Variants in KCNK12 observed in about 807,000 individuals in gnomAD.
The protein encoded by KCNK12 is potassium channel subfamily K member 12.
KCNK12 carries 6 observed loss-of-function variants against 25.3 expected under a neutral mutation model. The ratio of observed to expected loss-of-function variants is 0.24; its 90% CI spans 0.13 to 0.47. The LOEUF (loss-of-function observed/expected upper bound fraction) is 0.47. Ranked by LOEUF, KCNK12 falls within the 20% of genes least tolerant of loss-of-function variation. KCNK12 has a pLI of 0.99. For missense variants in KCNK12, 444 were observed against 661.7 expected (o/e 0.67, Z 3.61); for synonymous variants, 331 against 311.1 (o/e 1.06, Z -0.67).
In KCNK12 at chr2:47,519,823, A is replaced by C. The variant is rs547973359; in HGVS notation, c.*1084T>G. 1 of 152,344 alleles carries C rather than the reference A, an allele frequency of 6.6e-6. No individual in the cohort carries two copies. The highest frequency in any genetic ancestry group is 1.9e-4 in the East Asian group (1 of 5,178). 9.4% of individuals were successfully genotyped at this position (152,344 alleles called of 1,614,324 possible). A position where few individuals can be genotyped will look rare whatever the true frequency, so the allele number is the denominator to read the frequency against. On this transcript the variant is annotated 3_prime_UTR_variant, in exon 2 of 2. Coordinates refer to ENST00000327876, the MANE Select transcript of KCNK12 (RefSeq NM_022055.2). ...GGAGCCAAATACCCTGACATTTGCAAGATGGCTTCTTTTGGGTTCCTGGTG... is the reference window on the plus strand; with the variant it reads ...GGAGCCAAATACCCTGACATTTGCACGATGGCTTCTTTTGGGTTCCTGGTG...
chr2:47,527,624 C>G (rs1423185372), intron 1 of KCNK12: 1 of 152,328 alleles, frequency 6.6e-6, no homozygotes, highest in Non-Finnish European at 1.5e-5. Context: ...CAAACTCTTC[C>G]ATGTCTGGAC....
intron 1 of KCNK12, among the ~76,000 whole-genome samples, chr2:47,537,823 G>T (rs1669109159): frequency 6.6e-6 from 1 of 152,208 alleles, no homozygotes; most frequent in Admixed American, 6.5e-5. Flanking sequence ...GAAAATGACA[G>T]TAAGGGAGAT....
intron 1 of KCNK12, among the ~76,000 whole-genome samples, chr2:47,534,331 T>G (rs889571111): frequency 1.3e-5 from 2 of 151,956 alleles, no homozygotes; most frequent in African/African-American, 4.8e-5. Flanking sequence ...CACTCCTGCC[T>G]CCGGGTAGCT....
intron 1 of KCNK12, among the ~76,000 whole-genome samples, chr2:47,561,847 T>C (rs1669679132): frequency 6.6e-6 from 1 of 152,172 alleles, no homozygotes; most frequent in African/African-American, 2.4e-5. Context: ...GCAGTGCTGG[T>C]GTGTTTAGAG....
intron 1 of KCNK12, among the ~76,000 whole-genome samples, chr2:47,553,294 C>T (rs566776533): frequency 5.9e-5 from 9 of 152,316 alleles, no homozygotes; most frequent in African/African-American, 2.2e-4. Flanking sequence ...GTCATGTTGG[C>T]AGTCCTCTTG....
intron 1 of KCNK12, among the ~76,000 whole-genome samples, chr2:47,532,263 A>G (rs772592242): frequency 6.7e-6 from 1 of 150,048 alleles, no homozygotes; most frequent in East Asian, 1.9e-4. Context: ...TGCAGTAGAG[A>G]GGCTCTTGGG....
At position 47,514,958 on chromosome 2, in the gene KCNK12, GTAAC is replaced by G. The variant is rs1280232839; in HGVS notation, c.*5945_*5948del. Among the ~76,000 whole-genome samples, 12 of 152,164 alleles carry G rather than the reference GTAAC, an allele frequency of 7.9e-5. No individual in the cohort carries two copies. Among genetic ancestry groups the G allele is most frequent in the Admixed American group, 7.9e-4 (12 of 15,282 alleles). On this transcript the variant is annotated 3_prime_UTR_variant, in exon 2 of 2. Transcript: ENST00000327876. The surrounding 1 kb of genome is among the most constrained non-coding windows in gnomAD (Gnocchi z 5.0). Reference sequence around the variant, plus strand: ...GCTTGTTAGATACACTCATAGAAAGGTAACTGGCCACAGAAGGGAGAGGAATGGC... The same window carrying G: ...GCTTGTTAGATACACTCATAGAAAGGTGGCCACAGAAGGGAGAGGAATGGC...
In KCNK12 at chr2:47,548,804, C is replaced by G. The variant is rs2104839738; in HGVS notation, c.391+21137G>C. Among the ~76,000 whole-genome samples, 1 of 152,326 alleles carries G rather than the reference C, an allele frequency of 6.6e-6. No individual in the cohort carries two copies. The highest frequency in any genetic ancestry group is 2.1e-4 in the South Asian group (1 of 4,832). ...AGCCCTGGTTTTTGCCTGGTGGCAG[C>G]TTTCAGACAGCCATGGGAGTGGAGA... On this transcript the variant is annotated intron_variant, in intron 1 of 1. Transcript: ENST00000327876. The surrounding 1 kb of genome is among the most constrained non-coding windows in gnomAD (Gnocchi z 4.4).
Position 47,510,898 on chromosome 2 carries a change from G to A in KCNK12, c.*10009C>T, listed in dbSNP as rs887334523. ...CACAGAGCAGCCTAGTGCTTGGCAT[G>A]GGACTCAGATCTGAAGCAGCCTCTC... is the stretch of plus-strand genomic sequence containing the variant. On this transcript the variant is annotated 3_prime_UTR_variant, in exon 2 of 2. Coordinates refer to ENST00000327876, the MANE Select transcript of KCNK12 (RefSeq NM_022055.2). 6.6e-6 allele frequency: 1 copy of A among 152,192 alleles called. No individual in the cohort carries two copies. The highest frequency in any genetic ancestry group is 1.5e-5 in the Non-Finnish European group (1 of 68,046). The allele number at this position is 152,192 out of a possible 1,614,324, so 9.4% of individuals were successfully genotyped here. A position where few individuals can be genotyped will look rare whatever the true frequency, so the allele number is the denominator to read the frequency against.
chr2:47,526,938 T>C (rs1668793201), intron 1 of KCNK12, among the ~76,000 whole-genome samples: 1 of 152,166 alleles, frequency 6.6e-6, no homozygotes. Context: ...CTAACAATGC[T>C]GGCCCTGCCT....
chr2:47,521,364 C>A lies in KCNK12; in HGVS notation c.836G>T (p.Gly279Val). 6.2e-7 allele frequency: 1 copy of A among 1,613,534 alleles called. No individual in the cohort carries two copies. The highest frequency in any genetic ancestry group is 8.5e-7 in the Non-Finnish European group (1 of 1,179,792). The change falls in exon 2 of 2, where the codon GGC (glycine) becomes GTC (valine). Residue 279 changes from glycine to valine, a missense_variant. Gly to Val is a moderately radical substitution (Grantham distance 109, BLOSUM62 -3). This residue lies in a region of KCNK12 where 56 missense variants were observed against 135.7 expected (regional missense o/e 0.41). Coordinates refer to ENST00000327876, the MANE Select transcript of KCNK12 (RefSeq NM_022055.2). ...GCCGAGCAGGATGAAGAGGAAGTTG[C>A]CCAGGCGGTAGAGCCCCTGGTTCCG... ...AYRNQGLYRL[G>V]NFLFILLGVC... is the part of the protein sequence containing the mutation.
rs746427702 is a variant in KCNK12, at chr2:47,520,887, G to T, written c.*20C>A. The T allele has an allele frequency of 8.9e-6, 11 of 1,240,680 alleles. No individual in the cohort carries two copies. The African/African-American group carries it at 1.7e-4, about 19-fold the overall frequency. 76.9% of individuals were successfully genotyped at this position (1,240,680 alleles called of 1,614,324 possible). A position where few individuals can be genotyped will look rare whatever the true frequency, so the allele number is the denominator to read the frequency against. On this transcript the variant is annotated 3_prime_UTR_variant, in exon 2 of 2. Coordinates refer to ENST00000327876, the MANE Select transcript of KCNK12 (RefSeq NM_022055.2). The surrounding 1 kb of genome is among the most constrained non-coding windows in gnomAD (Gnocchi z 5.0). The stretch of plus-strand genomic sequence containing the variant: ...GCCCCGCGGCCTGGAGAGGGTCCCC[G>T]GCGCGGGCGGACGGGCGGTCTACCT...
In KCNK12 at chr2:47,513,469, TG is replaced by T. The variant is rs1193689745; in HGVS notation, c.*7437del. The stretch of plus-strand genomic sequence containing the variant: ...CCTTAGTCTTTTTTCTTCTTCCTCC[TG>T]TCCCTTAAATGCTGGTTGTGATCCT... On this transcript the variant is annotated 3_prime_UTR_variant, in exon 2 of 2. Coordinates refer to ENST00000327876, the MANE Select transcript of KCNK12 (RefSeq NM_022055.2). Among the ~76,000 whole-genome samples, 2 of 152,214 alleles carry T rather than the reference TG, an allele frequency of 1.3e-5. No individual in the cohort carries two copies.
At chr2:47,552,352 A>C (rs1297840698) in intron 1 of KCNK12, among the ~76,000 whole-genome samples, 1 of 151,978 alleles carries the variant, frequency 6.6e-6, no homozygotes, top group African/African-American at 2.4e-5. Flanking sequence ...GCTTTGGAGG[A>C]GGGGTATCCT....
At position 47,520,969 on chromosome 2, in the gene KCNK12, C is replaced by T. The variant is rs1274169600; in HGVS notation, c.1231G>A (p.Gly411Ser). The stretch of plus-strand genomic sequence containing the variant: ...ATGATGCCCAGCGCGCCCACGCCGC[C>T]CGAGAAGCCGTTCTGGCGCGTGTTG... ...CVNTRQNGFSGGVGALGIMNN... is the reference protein window; with the variant it reads ...CVNTRQNGFSSGVGALGIMNN... The change falls in exon 2 of 2, where the codon GGC becomes AGC. Residue 411 changes from glycine to serine, a missense_variant. Gly to Ser is a moderately conservative substitution (Grantham distance 56). Coordinates refer to ENST00000327876, the MANE Select transcript of KCNK12 (RefSeq NM_022055.2). The surrounding 1 kb of genome is among the most constrained non-coding windows in gnomAD (Gnocchi z 5.0). 7 of 1,313,424 alleles carry T rather than the reference C, an allele frequency of 5.3e-6. No individual in the cohort carries two copies. In the Admixed American group the frequency reaches 1.5e-4, roughly 28 times the overall value. The allele number at this position is 1,313,424 out of a possible 1,614,324, so 81.4% of individuals were successfully genotyped here.
rs569549049 is a variant in KCNK12, at chr2:47,513,737, C to T, written c.*7170G>A. ...TGGGTTCCCAGGCTCAGTGGTGGCACCACTGTCTACCTGGCTGCTTAGCCT... is the reference window on the plus strand; with the variant it reads ...TGGGTTCCCAGGCTCAGTGGTGGCATCACTGTCTACCTGGCTGCTTAGCCT... On this transcript the variant is annotated 3_prime_UTR_variant, in exon 2 of 2. Coordinates refer to ENST00000327876, the MANE Select transcript of KCNK12 (RefSeq NM_022055.2). Among the ~76,000 whole-genome samples the T allele has an allele frequency of 2.6e-5, 4 of 152,268 alleles. No individual in the cohort carries two copies. Among genetic ancestry groups the T allele is most frequent in the Admixed American group, 2.6e-4 (4 of 15,300 alleles).
Position 47,512,804 on chromosome 2 carries a change from T to C in KCNK12, c.*8103A>G. 1 of 193,140 alleles carries C rather than the reference T, an allele frequency of 5.2e-6. No individual in the cohort carries two copies. Among genetic ancestry groups the C allele is most frequent in the Non-Finnish European group, 1.1e-5 (1 of 92,648 alleles). The allele number at this position is 193,140 out of a possible 1,614,324, so 12.0% of individuals were successfully genotyped here. A position where few individuals can be genotyped will look rare whatever the true frequency, so the allele number is the denominator to read the frequency against. On this transcript the variant is annotated 3_prime_UTR_variant, in exon 2 of 2. Transcript: ENST00000327876. ...GAAGAGGGAGGAAAGAGGAAGGGAC[T>C]CACTTCCTGTTTCCAGCTGAAGTCT... is the stretch of plus-strand genomic sequence containing the variant.
chr2:47,512,012 G>A lies in KCNK12; in HGVS notation c.*8895C>T, dbSNP rs1325010130. On this transcript the variant is annotated 3_prime_UTR_variant, in exon 2 of 2. Transcript: ENST00000327876. ...TGGTACTTTACTTGTCCTTGGGGAA[G>A]CAGAAACAAATGAAAACGAGGATCT... Among the ~76,000 whole-genome samples the A allele has an allele frequency of 1.3e-5, 2 of 152,190 alleles. No homozygotes were observed. The highest frequency in any genetic ancestry group is 2.9e-5 in the Non-Finnish European group (2 of 68,030).
chr2:47,539,485 AGGAGAGTAGCC>A (rs1669147134), intron 1 of KCNK12, among the ~76,000 whole-genome samples: 2 of 152,306 alleles, frequency 1.3e-5, no homozygotes, highest in Middle Eastern at 3.4e-3. Context: ...GGCCCAGACC[AGGAGAGTAGCC>A]AAAAGGGGAC....
Sources: allele counts gnomAD v4.1 joint callset (sites outside exome capture counted in the v4.1 genomes callset), GRCh38; gene constraint gnomAD v4.1.1; regional missense constraint gnomAD v4.1.1; non-coding constraint Gnocchi (gnomAD v3.1); transcripts MANE v1.5; gene names NCBI Gene and HGNC (gene_info 2026-07-23, HGNC 2026-07-21).